The following PARVB variants were observed in gnomAD, a reference collection of about 807,000 sequenced individuals.
PARVB encodes the protein beta-parvin.
In PARVB, 46 loss-of-function variants were observed where a neutral mutation model predicts 47.0. The observed-to-expected ratio is 0.98, with a 90% CI of 0.77 to 1.25. PARVB has a LOEUF of 1.25. PARVB is among the 50% of genes most tolerant of loss of function. PARVB has a pLI of 0.00. For synonymous variants in PARVB, 196 were observed against 196.3 expected (o/e 1.00, Z 0.01); for missense variants, 473 against 471.6 (o/e 1.00, Z -0.03).
chr22:44,118,199 CCATGAGATGGAAT>C (rs1439439744), intron 3 of PARVB, among the ~76,000 whole-genome samples: 2 of 152,114 alleles, frequency 1.3e-5, no homozygotes, highest in Non-Finnish European at 2.9e-5. Flanking sequence ...ATGTGGTCCC[CCATGAGATGGAAT>C]ATGATTCAGC....
At position 44,168,843 on chromosome 22, in the gene PARVB, C is replaced by T. The variant is rs147372761; in HGVS notation, c.*165C>T. On this transcript the variant is annotated 3_prime_UTR_variant, in exon 13 of 13. Transcript: ENST00000338758. ...CTCACGCCTGCCCCACCCCCTGCCT[C>T]TTTTGGTTGTTGTTCTTAATCTCCT... 300 of 588,782 alleles carry T rather than the reference C, an allele frequency of 5.1e-4. No individual in the cohort carries two copies. The highest frequency in any genetic ancestry group is 5.0e-3 in the African/African-American group (265 of 53,124). 36.5% of individuals were successfully genotyped at this position (588,782 alleles called of 1,614,324 possible).
intron 1 of PARVB, among the ~76,000 whole-genome samples, chr22:44,065,096 C>A (rs2051493071): frequency 6.6e-6 from 1 of 152,036 alleles, no homozygotes; most frequent in African/African-American, 2.4e-5. Flanking sequence ...GCCCCATGTG[C>A]CCCACTGAGA....
intron 2 of PARVB, among the ~76,000 whole-genome samples, chr22:44,095,726 T>C (rs2052288663): frequency 6.6e-6 from 1 of 152,198 alleles, no homozygotes; most frequent in Non-Finnish European, 1.5e-5. Flanking sequence ...TTATGGAACA[T>C]TCTGCGTATT....
At chr22:44,126,683 T>C (rs567466885) in intron 4 of PARVB, among the ~76,000 whole-genome samples, 65 of 152,326 alleles carry the variant, frequency 4.3e-4, no homozygotes, top group African/African-American at 1.4e-3. Context: ...GTCCCCCCAA[T>C]TGGTACTTTG....
intron 1 of PARVB, among the ~76,000 whole-genome samples, chr22:44,072,981 T>A (rs1303488657): frequency 6.6e-6 from 1 of 152,070 alleles, no homozygotes; most frequent in Non-Finnish European, 1.5e-5. Flanking sequence ...ATACCTCCCT[T>A]ATGTGTCTCC....
chr22:44,122,520 C>CAGAGAGAGAGAGAGAGAGAGAGAGAG (rs1569134259), intron 4 of PARVB, among the ~76,000 whole-genome samples: 1 of 49,832 alleles, frequency 2.0e-5, no homozygotes, highest in African/African-American at 7.3e-5. Context: ...GAGAGAGAGA[C>CAGAGAGAGAGAGAGAGAGAGAGAGAG]AGAGAGACAG....
In PARVB at chr22:44,004,182, G is replaced by A. The variant is rs182675109; in HGVS notation, c.211+4509G>A. Among the ~76,000 whole-genome samples the A allele has an allele frequency of 1.7e-4, 26 of 152,338 alleles. No individual in the cohort carries two copies. The East Asian group carries it at 4.8e-3, about 28-fold the overall frequency. ...TTGCCAAAGACATCACAGCAGACACGAAGTAGCAGAGCCATGGGCACAGAA... is the reference window on the plus strand; with the variant it reads ...TTGCCAAAGACATCACAGCAGACACAAAGTAGCAGAGCCATGGGCACAGAA... On this transcript the variant is annotated intron_variant, in intron 2 of 13. Coordinates refer to the PARVB transcript ENST00000406477.
intron 3 of PARVB, chr22:44,109,016 G>A (rs2052629474): frequency 6.6e-6 from 1 of 152,214 alleles, no homozygotes; most frequent in African/African-American, 2.4e-5. Flanking sequence ...CTCCCCCCAA[G>A]AGCAGGTTTC....
chr22:44,146,186 ACG>A (rs1352623063), intron 8 of PARVB: 22 of 112,072 alleles, frequency 2.0e-4, no homozygotes, highest in East Asian at 1.3e-3. Context: ...CACCGCACAC[ACG>A]CACACCCGTG....
intron 1 of PARVB, among the ~76,000 whole-genome samples, chr22:44,051,999 C>G (rs2051218329): frequency 6.6e-6 from 1 of 152,204 alleles, no homozygotes; most frequent in Non-Finnish European, 1.5e-5. Flanking sequence ...GGATCCTCGC[C>G]TGGAGCCCTC....
upstream of PARVB, among the ~76,000 whole-genome samples, chr22:44,021,759 TCACACACACACACACACACA>T (rs3223605): frequency 0.015 from 1,518 of 102,776 alleles, 36 homozygotes; most frequent in African/African-American, 0.047. Context: ...AAGTCTAGAC[TCACACACACACACACACACA>T]CACACACACA....
In PARVB at chr22:44,096,871, G is replaced by A. The variant is rs766429267; in HGVS notation, c.202+2854G>A. 3.3e-5 allele frequency among the ~76,000 whole-genome samples: 5 copies of A among 152,064 alleles called. No homozygotes were observed. The East Asian group carries it at 9.6e-4, about 29-fold the overall frequency. On this transcript the variant is annotated intron_variant, in intron 2 of 12. Coordinates refer to ENST00000338758, the MANE Select transcript of PARVB (RefSeq NM_013327.5). ...ACAGAGATACCACCCTGGCCTCTGG[G>A]CACTGCTTCTCCTCTGACTGAAGTG...
intron 1 of PARVB, among the ~76,000 whole-genome samples, chr22:44,058,224 G>T (rs978123371): frequency 5.3e-5 from 8 of 152,154 alleles, no homozygotes; most frequent in African/African-American, 1.9e-4. Context: ...TGTCAGCAGG[G>T]CCTTGCTCCA....
chr22:44,133,205 G>A (rs2053368676), intron 6 of PARVB, among the ~76,000 whole-genome samples, 196 bp downstream of exon 6: 2 of 152,128 alleles, frequency 1.3e-5, no homozygotes, highest in Non-Finnish European at 2.9e-5. Context: ...TTGATTTGAT[G>A]AGAGGCAGAA....
chr22:44,083,072 C>T (rs1201466538), intron 1 of PARVB, among the ~76,000 whole-genome samples: 1 of 152,136 alleles, frequency 6.6e-6, no homozygotes, highest in East Asian at 1.9e-4. Context: ...CGGACTCCTT[C>T]CTCCTGAGCC....
chr22:44,015,454 G>C (rs571724694), intron 2 of PARVB, among the ~76,000 whole-genome samples: 1 of 152,282 alleles, frequency 6.6e-6, no homozygotes, highest in South Asian at 2.1e-4. Flanking sequence ...TTCCTTTTCT[G>C]TTGTTACCAC....
At chr22:44,046,562 G>A (rs905642768) in intron 1 of PARVB, among the ~76,000 whole-genome samples, 6 of 152,204 alleles carry the variant, frequency 3.9e-5, no homozygotes, top group Admixed American at 1.3e-4. Context: ...TTTGATAGAC[G>A]CCTGGGTCTG....
At chr22:44,121,017 T>C (rs2053034609) in intron 4 of PARVB, among the ~76,000 whole-genome samples, 1 of 151,934 alleles carries the variant, frequency 6.6e-6, no homozygotes, top group African/African-American at 2.4e-5. Flanking sequence ...GTAATTTTTG[T>C]TTTTTAGTAG....
chr22:44,096,050 C>A (rs2052298476), intron 2 of PARVB, among the ~76,000 whole-genome samples: 1 of 152,130 alleles, frequency 6.6e-6, no homozygotes, highest in African/African-American at 2.4e-5. Context: ...ATGGCAAAAC[C>A]CTGTCTCTAC....
Sources: gnomAD v4.1 joint callset for allele counts (sites outside exome capture counted in the v4.1 genomes callset) on GRCh38, gnomAD v4.1.1 for gene constraint, MANE v1.5 for transcripts, NCBI Gene and HGNC (gene_info 2026-07-23, HGNC 2026-07-21) for gene names.